The following KCNMA1 variants were observed in gnomAD, a reference collection of about 807,000 sequenced individuals.
The protein encoded by KCNMA1 is Calcium-activated potassium channel subunit alpha-1.
In KCNMA1, 29 loss-of-function variants were observed where a neutral mutation model predicts 140.0. That is an observed-to-expected ratio of 0.21 (90% confidence interval 0.15 to 0.28). The LOEUF is 0.28. Among genes scored for constraint, KCNMA1 ranks in the 10% least tolerant of loss-of-function variants. The pLI, the probability that KCNMA1 is intolerant of heterozygous loss-of-function variation, is 1.00. For synonymous variants in KCNMA1, 612 were observed against 611.9 expected (o/e 1.00, Z 0.00); for missense variants, 880 against 1,602.2 (o/e 0.55, Z 7.70).
intron 1 of KCNMA1, among the ~76,000 whole-genome samples, chr10:77,522,036 G>T (rs1469587071): frequency 1.3e-5 from 2 of 152,036 alleles, no homozygotes; most frequent in Non-Finnish European, 2.9e-5. Context: ...TTAGCCAGGC[G>T]TGGTGGCAGG....
chr10:77,471,711 A>G (rs1028228714), intron 1 of KCNMA1, among the ~76,000 whole-genome samples: 2 of 150,604 alleles, frequency 1.3e-5, no homozygotes, highest in Non-Finnish European at 3.0e-5. Flanking sequence ...TTATATACAC[A>G]TATCACACAT....
intron 20 of KCNMA1, among the ~76,000 whole-genome samples, chr10:76,957,078 A>C (rs1372059800): frequency 2.1e-5 from 3 of 145,612 alleles, no homozygotes; most frequent in Non-Finnish European, 1.5e-5. Context: ...CAGTGAGCCG[A>C]GATCACGCCA....
At chr10:77,571,264 T>C (rs1199704099) in intron 1 of KCNMA1, among the ~76,000 whole-genome samples, 1 of 152,218 alleles carries the variant, frequency 6.6e-6, no homozygotes, top group African/African-American at 2.4e-5. Context: ...CTGTTTTGGA[T>C]TTTGAGAGTG....
intron 25 of KCNMA1, among the ~76,000 whole-genome samples, chr10:76,896,783 T>C (rs1589819099): frequency 1.3e-5 from 2 of 152,136 alleles, no homozygotes; most frequent in East Asian, 3.9e-4. Flanking sequence ...ATAACTAAAA[T>C]ACAAAGTTTC....
chr10:77,537,349 C>G (rs1603634027), intron 1 of KCNMA1, among the ~76,000 whole-genome samples: 2 of 152,190 alleles, frequency 1.3e-5, no homozygotes, highest in Admixed American at 1.3e-4. Context: ...AAGAACACCA[C>G]CCCAGCAGAA....
chr10:77,442,286 C>G (rs1566878021), intron 1 of KCNMA1, among the ~76,000 whole-genome samples: 1 of 152,104 alleles, frequency 6.6e-6, no homozygotes, highest in Non-Finnish European at 1.5e-5. Context: ...AGGAGGTGAG[C>G]AGAGCAAATG....
chr10:77,168,105 C>T (rs184173647), intron 5 of KCNMA1, among the ~76,000 whole-genome samples: 3 of 152,258 alleles, frequency 2.0e-5, no homozygotes, highest in Admixed American at 1.3e-4. Context: ...TCTCTCATCA[C>T]ATGTATGAGT....
chr10:76,970,347 A>T (rs2075707085), intron 19 of KCNMA1: 1 of 378,650 alleles, frequency 2.6e-6, no homozygotes, highest in Non-Finnish European at 4.9e-6. Flanking sequence ...AAAAAAAAAA[A>T]GAAATCATGA....
intron 19 of KCNMA1, chr10:76,980,156 G>T (rs1251366349): frequency 1.3e-5 from 2 of 152,228 alleles, no homozygotes; most frequent in African/African-American, 4.8e-5. Context: ...AAGCGGCTTG[G>T]GGATGCTCTG....
At chr10:77,153,377 C>A (rs187200413) in intron 5 of KCNMA1, among the ~76,000 whole-genome samples, 6 of 151,900 alleles carry the variant, frequency 3.9e-5, no homozygotes, top group Non-Finnish European at 7.4e-5. Context: ...TTTTCTTTTT[C>A]TTTTTGTTTT....
intron 14 of KCNMA1, among the ~76,000 whole-genome samples, chr10:77,046,760 G>A (rs1296132008): frequency 6.6e-6 from 1 of 152,106 alleles, no homozygotes; most frequent in Non-Finnish European, 1.5e-5. Flanking sequence ...TCGTTCTTCA[G>A]TATAATTGCA....
intron 23 of KCNMA1, among the ~76,000 whole-genome samples, chr10:76,925,275 T>C (rs753795455): frequency 6.6e-6 from 1 of 152,210 alleles, no homozygotes; most frequent in Non-Finnish European, 1.5e-5. Context: ...AACCTTTCTT[T>C]ATTGTTTTTA....
intron 1 of KCNMA1, among the ~76,000 whole-genome samples, chr10:77,495,398 C>T (rs981484362): frequency 5.3e-5 from 8 of 152,200 alleles, no homozygotes; most frequent in African/African-American, 1.9e-4. Flanking sequence ...CATCTCACCA[C>T]CAGGTCCACC....
At position 77,419,368 on chromosome 10, in the gene KCNMA1, A is replaced by C. The variant is rs1048223776; in HGVS notation, c.379-15345T>G. On this transcript the variant is annotated intron_variant, in intron 1 of 27. Coordinates refer to ENST00000286628, the MANE Select transcript of KCNMA1 (RefSeq NM_001161352.2). ...GCCCTTAGCACTGACAGGGATGGAGACCTTTTTTGGAGGAGCAGATCCGGA... is the reference window on the plus strand; with the variant it reads ...GCCCTTAGCACTGACAGGGATGGAGCCCTTTTTTGGAGGAGCAGATCCGGA... 3.9e-5 allele frequency among the ~76,000 whole-genome samples: 6 copies of C among 152,230 alleles called. No homozygotes were observed. In the East Asian group the frequency reaches 1.2e-3, roughly 30 times the overall value.
At chr10:76,884,786 G>GAGGGAA, downstream of KCNMA1, 2 of 656,208 alleles carry the variant, frequency 3.0e-6, no homozygotes. Context: ...GGGAAAAGGA[G>GAGGGAA]AGGGAAAGGG....
At chr10:77,206,563 C>A (rs1014782008) in intron 3 of KCNMA1, among the ~76,000 whole-genome samples, 1 of 152,064 alleles carries the variant, frequency 6.6e-6, no homozygotes, top group Non-Finnish European at 1.5e-5. Flanking sequence ...TCCTACCACC[C>A]GTATTACTCT....
intron 3 of KCNMA1, among the ~76,000 whole-genome samples, chr10:77,200,806 TA>T (rs1334923509): frequency 1.3e-5 from 2 of 152,170 alleles, no homozygotes; most frequent in African/African-American, 4.8e-5. Flanking sequence ...AAATTACAGA[TA>T]ACAGATTATA....
chr10:76,962,992 T>C (rs2072320382), intron 20 of KCNMA1, among the ~76,000 whole-genome samples: 1 of 152,176 alleles, frequency 6.6e-6, no homozygotes, highest in South Asian at 2.1e-4. Context: ...ACACAGAGCA[T>C]TTGCTATAAA....
chr10:76,901,265 G>A (rs1287217753), intron 25 of KCNMA1: 1 of 151,900 alleles, frequency 6.6e-6, no homozygotes, highest in Admixed American at 6.6e-5. Context: ...GGAAACATAG[G>A]CCATTTATAT....
Sources: gnomAD v4.1 joint callset for allele counts (sites outside exome capture counted in the v4.1 genomes callset) on GRCh38, gnomAD v4.1.1 for gene constraint, MANE v1.5 for transcripts, NCBI Gene and HGNC (gene_info 2026-07-23, HGNC 2026-07-21) for gene names.